Variants in CDIN1 observed in about 807,000 individuals in gnomAD.
CDIN1 encodes CDAN1 interacting nuclease 1.
CDIN1 carries 33 observed loss-of-function variants against 45.3 expected under a neutral mutation model. The observed-to-expected ratio is 0.73, with a 90% CI of 0.55 to 0.97. CDIN1 has a LOEUF of 0.97. CDIN1 is among the 50% of genes least tolerant of loss of function. The pLI is 0.00. For synonymous variants in CDIN1, 118 were observed against 124.4 expected (o/e 0.95, Z 0.34); for missense variants, 303 against 339.4 (o/e 0.89, Z 0.84).
Position 36,709,279 on chromosome 15 carries a change from G to A in CDIN1, c.601G>A (p.Val201Ile). Residue 201 changes from valine (V) to isoleucine (I), a missense_variant, in exon 9 of 11, where the codon GTA becomes ATA. Physicochemically the swap from Val to Ile is conservative, Grantham distance 29. Transcript: ENST00000566621. ...CAAAACACCAGACTTCATTTTACAA[G>A]TACCAGTTGGTAAGTTCTTTAACTC... ...YDKTPDFILQ[V>I]PVAVEGHIIH... 6.2e-7 allele frequency: 1 copy of A among 1,600,708 alleles called. No individual in the cohort carries two copies.
chr15:36,775,500 C>T (rs1266087507), intron 10 of CDIN1, among the ~76,000 whole-genome samples: 1 of 152,180 alleles, frequency 6.6e-6, no homozygotes, highest in African/African-American at 2.4e-5. Context: ...AAGCCTGGGT[C>T]AGGCAGCAGT....
At chr15:36,671,273 A>G (rs2140537781) in intron 5 of CDIN1, among the ~76,000 whole-genome samples, 1 of 152,246 alleles carries the variant, frequency 6.6e-6, no homozygotes, top group South Asian at 2.1e-4. Context: ...TCTTTGAGTC[A>G]GCACTGGCAT....
intron 10 of CDIN1, chr15:36,804,674 CTTTTTT>C (rs3045810): frequency 1.2e-5 from 1 of 84,890 alleles, no homozygotes; most frequent in Non-Finnish European, 2.0e-5. Context: ...CAGAGAATCA[CTTTTTT>C]TTTTTTTTTT....
At chr15:36,748,152 G>T (rs962021482) in intron 10 of CDIN1, among the ~76,000 whole-genome samples, 1 of 152,096 alleles carries the variant, frequency 6.6e-6, no homozygotes. Flanking sequence ...TGTAAAATGG[G>T]CACAATTTGG....
intron 10 of CDIN1, among the ~76,000 whole-genome samples, chr15:36,745,761 T>C (rs369089072): frequency 2.0e-5 from 3 of 151,136 alleles, no homozygotes; most frequent in Non-Finnish European, 4.4e-5. Context: ...AAGTCAGGAG[T>C]TCAAGACCGG....
chr15:36,752,162 G>A (rs2053493808), intron 10 of CDIN1, among the ~76,000 whole-genome samples: 1 of 152,132 alleles, frequency 6.6e-6, no homozygotes, highest in South Asian at 2.1e-4. Flanking sequence ...AATAAAAGTT[G>A]ATGAATAAAA....
At chr15:36,720,450 C>G (rs991510080) in intron 10 of CDIN1, among the ~76,000 whole-genome samples, 1 of 144,282 alleles carries the variant, frequency 6.9e-6, no homozygotes, top group East Asian at 2.0e-4. Context: ...ATGACAGGCC[C>G]CAGAGTGTGA....
chr15:36,753,298 C>T (rs2053524134), intron 10 of CDIN1, among the ~76,000 whole-genome samples: 1 of 152,126 alleles, frequency 6.6e-6, no homozygotes, highest in Non-Finnish European at 1.5e-5. Context: ...TTTAGCATGA[C>T]AAAGTTGCTC....
At chr15:36,754,558 G>A (rs1221283597) in intron 10 of CDIN1, among the ~76,000 whole-genome samples, 1 of 137,022 alleles carries the variant, frequency 7.3e-6, no homozygotes, top group Admixed American at 7.6e-5. Flanking sequence ...TAAGTTGATG[G>A]TCTCTCTTAA....
intron 5 of CDIN1, among the ~76,000 whole-genome samples, chr15:36,672,105 T>G (rs184254040): frequency 1.8e-4 from 27 of 152,242 alleles, no homozygotes; most frequent in African/African-American, 5.8e-4. Flanking sequence ...AAAAGTGGAA[T>G]GTTAAATTTT....
At chr15:36,728,401 A>G (rs572630690) in intron 10 of CDIN1, among the ~76,000 whole-genome samples, 4 of 152,194 alleles carry the variant, frequency 2.6e-5, no homozygotes, top group South Asian at 4.2e-4. Flanking sequence ...CGGGTTACCA[A>G]TCCTCTGCAT....
In CDIN1 at chr15:36,579,884, C is replaced by T. The variant is rs774009351; in HGVS notation, c.24C>T (p.Tyr8=). The change falls in exon 1 of 11, where the codon TAC becomes TAT. Residue 8 remains tyrosine (Y), a synonymous_variant. Coordinates refer to ENST00000566621, the MANE Select transcript of CDIN1 (RefSeq NM_001321759.2). The part of the protein sequence containing the change: MILTKAQ[Y]DEIAQCLVSV... ...ACATGATACTGACCAAAGCTCAGTA[C>T]GACGAGATAGCCCAGTGCCTAGTGT... is the stretch of plus-strand genomic sequence containing the variant. 1 of 1,613,920 alleles carries T rather than the reference C, an allele frequency of 6.2e-7. No individual in the cohort carries two copies.
intron 2 of CDIN1, 69 bp from the exon 3 acceptor site, chr15:36,645,154 C>A: frequency 8.0e-7 from 1 of 1,249,886 alleles, no homozygotes; most frequent in South Asian, 1.3e-5. Context: ...GAAATAATGT[C>A]ATTCTTGTTT....
intron 10 of CDIN1, among the ~76,000 whole-genome samples, chr15:36,726,924 A>G (rs1393602381): frequency 2.6e-5 from 4 of 152,192 alleles, no homozygotes; most frequent in African/African-American, 9.7e-5. Context: ...CTACACAAGT[A>G]TAAATTTACC....
intron 10 of CDIN1, among the ~76,000 whole-genome samples, chr15:36,788,106 A>ATATTTTT (rs1343541345): frequency 4.0e-5 from 2 of 50,550 alleles, no homozygotes; most frequent in African/African-American, 1.5e-4. Context: ...ATATATATAT[A>ATATTTTT]TTTTTTTTTT....
chr15:36,602,781 A>G (rs1023466529), intron 1 of CDIN1, among the ~76,000 whole-genome samples: 5 of 152,170 alleles, frequency 3.3e-5, no homozygotes, highest in Non-Finnish European at 7.3e-5. Context: ...GGCTCGAGCC[A>G]TCCTAGCTAA....
chr15:36,679,010 C>T (rs1018132713), intron 5 of CDIN1, among the ~76,000 whole-genome samples: 7 of 152,178 alleles, frequency 4.6e-5, no homozygotes, highest in African/African-American at 1.4e-4. Flanking sequence ...GGGGAAAATT[C>T]TTCTATTATG....
In CDIN1 at chr15:36,685,386, G is replaced by A. The variant is rs530860394; in HGVS notation, c.347-6299G>A. On this transcript the variant is annotated intron_variant, in intron 5 of 10. Coordinates refer to ENST00000566621, the MANE Select transcript of CDIN1 (RefSeq NM_001321759.2). ...TTGTTCAGTTTCCATGTAGTTGAGC[G>A]GTTTTGAGTGAGATTCTTAATCCTG... 1.5e-4 allele frequency among the ~76,000 whole-genome samples: 23 copies of A among 151,516 alleles called. No homozygotes were observed. In the South Asian group the frequency reaches 3.2e-3, roughly 21 times the overall value.
At chr15:36,742,016 A>G (rs986034514) in intron 10 of CDIN1, among the ~76,000 whole-genome samples, 1 of 152,226 alleles carries the variant, frequency 6.6e-6, no homozygotes, top group Non-Finnish European at 1.5e-5. Context: ...AATCTTAACC[A>G]TAATATTTTA....
Sources: allele counts gnomAD v4.1 joint callset (sites outside exome capture counted in the v4.1 genomes callset), GRCh38; gene constraint gnomAD v4.1.1; transcripts MANE v1.5; gene names NCBI Gene and HGNC (gene_info 2026-07-23, HGNC 2026-07-21).